The following B3GALT1 variants were observed in gnomAD, a reference collection of about 807,000 sequenced individuals.
B3GALT1 encodes the protein UDP-Gal:betaGlcNAc beta 1,3-galactosyltransferase, polypeptide 1.
B3GALT1 carries 10 observed loss-of-function variants against 23.2 expected under a neutral mutation model. That is an observed-to-expected ratio of 0.43 (90% CI 0.27 to 0.73). The LOEUF (loss-of-function observed/expected upper bound fraction) is 0.73, where lower values mean the gene tolerates loss of function less well. Ranked by LOEUF, B3GALT1 falls within the 30% of genes least tolerant of loss-of-function variation. The pLI, the probability that B3GALT1 is intolerant of heterozygous loss-of-function variation, is 0.21. For missense variants in B3GALT1, 299 were observed against 405.4 expected (o/e 0.74, Z 2.25); for synonymous variants, 156 against 141.5 (o/e 1.10, Z -0.73).
intron 3 of B3GALT1, among the ~76,000 whole-genome samples, chr2:167,745,252 A>T (rs548575727): frequency 2.4e-4 from 36 of 152,326 alleles, no homozygotes; most frequent in Admixed American, 2.1e-3. Flanking sequence ...ACCTTGAAAC[A>T]TGTAATGTAG....
chr2:167,545,186 C>T (rs953147234), intron 2 of B3GALT1, among the ~76,000 whole-genome samples: 3 of 151,754 alleles, frequency 2.0e-5, no homozygotes, highest in Admixed American at 6.6e-5. Context: ...AGGTGCCCGC[C>T]ACCACGCCCG....
At chr2:167,338,183 T>C (rs1183163882) in intron 1 of B3GALT1, among the ~76,000 whole-genome samples, 1 of 152,208 alleles carries the variant, frequency 6.6e-6, no homozygotes, top group East Asian at 1.9e-4. Flanking sequence ...GTTATTTTCT[T>C]AGATTATATG....
intron 3 of B3GALT1, among the ~76,000 whole-genome samples, chr2:167,817,484 A>G (rs567002275): frequency 2.6e-5 from 4 of 152,328 alleles, no homozygotes; most frequent in Admixed American, 2.6e-4. Flanking sequence ...AGAAAGGTTA[A>G]GTATCATCAG....
intron 3 of B3GALT1, among the ~76,000 whole-genome samples, chr2:167,680,834 A>T (rs1686517362): frequency 6.6e-6 from 1 of 152,208 alleles, no homozygotes; most frequent in African/African-American, 2.4e-5. Flanking sequence ...CTTCTGATAA[A>T]ATGAAATAGA....
intron 2 of B3GALT1, among the ~76,000 whole-genome samples, chr2:167,614,803 G>T (rs562051985): frequency 1.9e-4 from 29 of 151,872 alleles, no homozygotes; most frequent in African/African-American, 7.0e-4. Context: ...CATTAGAAAA[G>T]GATAAAATAT....
chr2:167,843,501 A>G (rs970493724), intron 4 of B3GALT1, among the ~76,000 whole-genome samples: 2 of 152,196 alleles, frequency 1.3e-5, no homozygotes, highest in Non-Finnish European at 2.9e-5. Context: ...AGGATTGCTG[A>G]TTTCAGCCTC....
intron 2 of B3GALT1, among the ~76,000 whole-genome samples, chr2:167,632,568 A>T (rs184842246): frequency 6.6e-6 from 1 of 151,618 alleles, no homozygotes; most frequent in Admixed American, 6.6e-5. Flanking sequence ...TTTTTTTCAT[A>T]TGTTTGTTGG....
At chr2:167,579,124 T>A (rs1308036904) in intron 2 of B3GALT1, among the ~76,000 whole-genome samples, 1 of 152,064 alleles carries the variant, frequency 6.6e-6, no homozygotes, top group Non-Finnish European at 1.5e-5. Context: ...CTTTGCCTAC[T>A]AATAAGTCTT....
At chr2:167,469,014 A>T (rs1056224766) in intron 1 of B3GALT1, among the ~76,000 whole-genome samples, 3 of 152,248 alleles carry the variant, frequency 2.0e-5, no homozygotes, top group African/African-American at 7.2e-5. Flanking sequence ...CACAAATATC[A>T]AGGGATTAGA....
intron 3 of B3GALT1, among the ~76,000 whole-genome samples, chr2:167,781,107 T>C (rs1688237822): frequency 1.3e-5 from 2 of 152,218 alleles, no homozygotes; most frequent in South Asian, 4.1e-4. Context: ...TTACTAAAGT[T>C]ATATGCAAAA....
At chr2:167,534,892 G>A (rs761629926) in intron 2 of B3GALT1, among the ~76,000 whole-genome samples, 59 of 152,160 alleles carry the variant, frequency 3.9e-4, no homozygotes, top group Non-Finnish European at 7.6e-4. Context: ...GTGATATTCT[G>A]CATTAGGCAC....
At chr2:167,744,310 G>A (rs1687619079) in intron 3 of B3GALT1, among the ~76,000 whole-genome samples, 1 of 151,948 alleles carries the variant, frequency 6.6e-6, no homozygotes, top group Non-Finnish European at 1.5e-5. Context: ...GGTTGTATTT[G>A]GAATCTTTCA....
At chr2:167,498,805 C>T (rs1559114384) in intron 2 of B3GALT1, among the ~76,000 whole-genome samples, 1 of 152,062 alleles carries the variant, frequency 6.6e-6, no homozygotes. Context: ...TGCAGATCCC[C>T]ATCATGCTGC....
intron 1 of B3GALT1, among the ~76,000 whole-genome samples, chr2:167,483,378 G>T (rs1484236009): frequency 6.6e-6 from 1 of 152,174 alleles, no homozygotes; most frequent in Non-Finnish European, 1.5e-5. Flanking sequence ...TCATATGGCA[G>T]TACTTGGCTA....
At chr2:167,668,451 T>C (rs976549292) in intron 3 of B3GALT1, among the ~76,000 whole-genome samples, 2 of 152,180 alleles carry the variant, frequency 1.3e-5, no homozygotes, top group Non-Finnish European at 2.9e-5. Flanking sequence ...AGGCAGGCAG[T>C]CCTCCTTGAG....
chr2:167,495,902 G>A (rs1699777217), intron 2 of B3GALT1, among the ~76,000 whole-genome samples: 1 of 152,132 alleles, frequency 6.6e-6, no homozygotes. Context: ...TTATTAAAAG[G>A]AATTATGGCT....
intron 3 of B3GALT1, among the ~76,000 whole-genome samples, chr2:167,689,110 G>A (rs1177408896): frequency 1.4e-5 from 2 of 139,080 alleles, no homozygotes; most frequent in Middle Eastern, 3.7e-3. Flanking sequence ...AAATAGAAAC[G>A]CCATAGTCAA....
At chr2:167,586,039 A>G (rs989964349) in intron 2 of B3GALT1, among the ~76,000 whole-genome samples, 1 of 152,222 alleles carries the variant, frequency 6.6e-6, no homozygotes, top group Admixed American at 6.5e-5. Flanking sequence ...GTCTAGGTAA[A>G]GCGCCATTTT....
At chr2:167,566,732 A>G (rs143740107) in intron 2 of B3GALT1, among the ~76,000 whole-genome samples, 88 of 152,260 alleles carry the variant, frequency 5.8e-4, no homozygotes, top group Non-Finnish European at 9.6e-4. Flanking sequence ...GAATGGGTCT[A>G]AAAGAGCTAA....
Sources: allele counts gnomAD v4.1 joint callset (sites outside exome capture counted in the v4.1 genomes callset), GRCh38; gene constraint gnomAD v4.1.1; transcripts MANE v1.5; gene names NCBI Gene and HGNC (gene_info 2026-07-23, HGNC 2026-07-21).